Variants in ST6GAL1 observed in about 807,000 individuals in gnomAD.
The protein encoded by ST6GAL1 is beta-galactoside alpha-2,6-sialyltransferase 1.
In ST6GAL1, 20 loss-of-function variants were observed where a neutral mutation model predicts 38.0. The observed-to-expected ratio is 0.53, with a 90% CI of 0.37 to 0.77. ST6GAL1 has a LOEUF of 0.77. ST6GAL1 is among the 30% of genes least tolerant of loss of function. ST6GAL1 has a pLI of 0.00. For missense variants in ST6GAL1, 432 were observed against 496.4 expected, an observed-to-expected ratio of 0.87 and a Z score of 1.23; for synonymous variants, 196 against 188.2, an observed-to-expected ratio of 1.04 and a Z score of -0.34.
rs1261417126 is a variant in ST6GAL1 at position 187,078,178 on chromosome 3, A to G, written c.*2375A>G. The G allele has an allele frequency of 6.6e-6, 1 of 152,594 alleles. No homozygotes were observed. The highest frequency in any genetic ancestry group is 1.9e-4 in the East Asian group (1 of 5,192). 9.5% of individuals were successfully genotyped at this position (152,594 alleles called of 1,614,324 possible). On this transcript the variant is annotated 3_prime_UTR_variant, in exon 8 of 8. Transcript: ENST00000169298. ...AGAATCTAGTTTTTAATTATTATTA[A>G]TATAAAGGATCAAATTAATTTAAAT... is the stretch of plus-strand genomic sequence containing the variant.
intron 2 of ST6GAL1, among the ~76,000 whole-genome samples, chr3:187,018,711 G>C (rs1336498517): frequency 6.6e-6 from 1 of 152,114 alleles, no homozygotes; most frequent in Non-Finnish European, 1.5e-5. Context: ...ATCTCCTTTG[G>C]CAACACCCTC....
intron 1 of ST6GAL1, among the ~76,000 whole-genome samples, chr3:186,950,298 C>T (rs1440487813): frequency 5.9e-5 from 9 of 152,216 alleles, no homozygotes; most frequent in African/African-American, 1.9e-4. Context: ...GGGCTTCCCC[C>T]TCTCTGCTGG....
chr3:187,062,828 A>T (rs1448411272), intron 5 of ST6GAL1, among the ~76,000 whole-genome samples: 2 of 152,086 alleles, frequency 1.3e-5, no homozygotes, highest in African/African-American at 4.8e-5. Context: ...TTTTAATACA[A>T]TTTTTAAATT....
At chr3:187,070,936 T>TA (rs1386868847) in intron 5 of ST6GAL1, among the ~76,000 whole-genome samples, 1 of 152,190 alleles carries the variant, frequency 6.6e-6, no homozygotes, top group African/African-American at 2.4e-5. Flanking sequence ...GTCTCAAAGA[T>TA]ATATTGAGGA....
chr3:186,968,179 C>G (rs1249011186), intron 2 of ST6GAL1, among the ~76,000 whole-genome samples: 2 of 152,186 alleles, frequency 1.3e-5, no homozygotes, highest in Admixed American at 1.3e-4. Flanking sequence ...TGACTTGGGT[C>G]TGAGCCTGAC....
At chr3:186,979,828 G>A (rs181964951) in intron 2 of ST6GAL1, among the ~76,000 whole-genome samples, 1 of 152,202 alleles carries the variant, frequency 6.6e-6, no homozygotes, top group East Asian at 1.9e-4. Flanking sequence ...TCCTGGTCTC[G>A]GGCACTTTAA....
chr3:187,065,828 G>A (rs990966549), intron 5 of ST6GAL1, among the ~76,000 whole-genome samples: 1 of 152,180 alleles, frequency 6.6e-6, no homozygotes, highest in Non-Finnish European at 1.5e-5. Context: ...TACCATCTAA[G>A]GGTCTTACAT....
intron 5 of ST6GAL1, among the ~76,000 whole-genome samples, chr3:187,071,425 G>A (rs1384395072): frequency 6.6e-6 from 1 of 152,088 alleles, no homozygotes; most frequent in Admixed American, 6.6e-5. Context: ...AGAGAGCAGA[G>A]CAAATGTGTT....
At chr3:187,061,931 A>G (rs1221222465) in intron 5 of ST6GAL1, among the ~76,000 whole-genome samples, 3 of 152,242 alleles carry the variant, frequency 2.0e-5, no homozygotes, top group Admixed American at 2.0e-4. Context: ...CAGAGTAAAA[A>G]GACACCACAC....
intron 1 of ST6GAL1, among the ~76,000 whole-genome samples, chr3:186,935,575 C>T (rs1422194027): frequency 6.6e-6 from 1 of 152,172 alleles, no homozygotes; most frequent in East Asian, 1.9e-4. Context: ...GAGCAATCCC[C>T]ACACTGCTTT....
rs1300932891 is a variant in ST6GAL1 at position 187,072,627 on chromosome 3, A to C, written c.706-222A>C. 2 of 508,488 alleles carry C rather than the reference A, an allele frequency of 3.9e-6. 1 individual carries two copies. The highest frequency in any genetic ancestry group is 5.8e-5 in the Admixed American group (2 of 34,410). The allele number at this position is 508,488 out of a possible 1,614,324, so 31.5% of individuals were successfully genotyped here. A position where few individuals can be genotyped will look rare whatever the true frequency, so the allele number is the denominator to read the frequency against. ...AGCCTGACTGGATGGAACCCTTTCT[A>C]TTCTATGGCTAGTGGCTTGTGATAA... On this transcript the variant is annotated intron_variant, in intron 5 of 7. Coordinates refer to ENST00000169298, the MANE Select transcript of ST6GAL1 (RefSeq NM_173216.2).
chr3:186,999,413 C>CTCT (rs1210861248), intron 2 of ST6GAL1, among the ~76,000 whole-genome samples: 1 of 138,356 alleles, frequency 7.2e-6, no homozygotes, highest in Non-Finnish European at 1.6e-5. Context: ...ACTATAATCT[C>CTCT]TTTTTTTTTT....
At chr3:186,973,599 A>G (rs34043185) in intron 2 of ST6GAL1, among the ~76,000 whole-genome samples, 8,186 of 152,254 alleles carry the variant, frequency 0.054, 275 homozygotes, top group South Asian at 0.12. Context: ...TCCAATTGCA[A>G]TGCCTCAGTT....
At chr3:186,941,778 C>T (rs1466543209) in intron 1 of ST6GAL1, among the ~76,000 whole-genome samples, 1 of 151,926 alleles carries the variant, frequency 6.6e-6, no homozygotes, top group Non-Finnish European at 1.5e-5. Flanking sequence ...TTTGGGAGGC[C>T]GAGGCAGGCG....
intron 1 of ST6GAL1, among the ~76,000 whole-genome samples, chr3:186,939,687 C>G (rs1218279730): frequency 2.0e-5 from 3 of 152,188 alleles, no homozygotes; most frequent in Non-Finnish European, 4.4e-5. Context: ...GTTTAGGTCC[C>G]TGACTGCCAC....
At chr3:186,953,401 C>T (rs1017896416) in intron 1 of ST6GAL1, among the ~76,000 whole-genome samples, 1 of 152,164 alleles carries the variant, frequency 6.6e-6, no homozygotes, top group African/African-American at 2.4e-5. Context: ...AGGCAGGACA[C>T]CTTCCTTCAT....
At position 186,974,736 on chromosome 3, in the gene ST6GAL1, G is replaced by A. The variant is rs137865549; in HGVS notation, c.-183+10810G>A. Among the ~76,000 whole-genome samples, 1,452 of 149,796 alleles carry A rather than the reference G, an allele frequency of 9.7e-3. 36 individuals are homozygous for A. Among genetic ancestry groups the A allele is most frequent in the African/African-American group, 0.033 (1,342 of 40,808 alleles). On this transcript the variant is annotated intron_variant, in intron 2 of 7. Transcript: ENST00000169298. ...TACTGAGAGCCTGGTTGGGGGGGGG[G>A]CGCCCACAGCAGGGTTGGGTGCAAA...
At chr3:186,975,626 T>A (rs990701605) in intron 2 of ST6GAL1, among the ~76,000 whole-genome samples, 9 of 152,294 alleles carry the variant, frequency 5.9e-5, no homozygotes, top group African/African-American at 2.2e-4. Flanking sequence ...TACTCTCCCA[T>A]CCACTTCTTC....
intron 5 of ST6GAL1, among the ~76,000 whole-genome samples, chr3:187,071,478 G>A (rs1270358566): frequency 6.6e-6 from 1 of 151,380 alleles, no homozygotes; most frequent in Admixed American, 6.6e-5. Flanking sequence ...GGCCGGGCGC[G>A]GTGGCTCATG....
Sources: gnomAD v4.1 joint callset for allele counts (sites outside exome capture counted in the v4.1 genomes callset) on GRCh38, gnomAD v4.1.1 for gene constraint, MANE v1.5 for transcripts, NCBI Gene and HGNC (gene_info 2026-07-23, HGNC 2026-07-21) for gene names.